CDH18: variants seen among roughly 807,000 people sequenced by gnomAD.
The protein encoded by CDH18 is cadherin 18, also known as cadherin-18.
In CDH18, 31 loss-of-function variants were observed where a neutral mutation model predicts 67.9. The ratio of observed to expected loss-of-function variants is 0.46; its 90% CI spans 0.34 to 0.62. The LOEUF (loss-of-function observed/expected upper bound fraction) is 0.62, where lower values mean the gene tolerates loss of function less well. Ranked by LOEUF, CDH18 falls within the 20% of genes least tolerant of loss-of-function variation. The pLI is 0.01. For synonymous variants in CDH18, 362 were observed against 347.2 expected, an observed-to-expected ratio of 1.04 and a Z score of -0.48; for missense variants, 890 against 975.5, an observed-to-expected ratio of 0.91 and a Z score of 1.17.
chr5:19,722,740 A>C (rs923680455), intron 4 of CDH18, among the ~76,000 whole-genome samples: 1 of 152,056 alleles, frequency 6.6e-6, no homozygotes, highest in Non-Finnish European at 1.5e-5. Flanking sequence ...TTGATATTTT[A>C]TTCCACATCA....
Position 20,508,106 on chromosome 5 carries a change from T to C in CDH18, c.-580+67356A>G, listed in dbSNP as rs184898929. On this transcript the variant is annotated intron_variant, in intron 1 of 14. Transcript: ENST00000507958. ...GTGTGGAAAAATAAGAGGGACAAAATGTATCTTAAAATTCTTTAAAAATCT... is the reference window on the plus strand; with the variant it reads ...GTGTGGAAAAATAAGAGGGACAAAACGTATCTTAAAATTCTTTAAAAATCT... 1.6e-3 allele frequency among the ~76,000 whole-genome samples: 249 copies of C among 151,876 alleles called. 2 individuals carry two copies. Among genetic ancestry groups the C allele is most frequent in the African/African-American group, 5.6e-3 (234 of 41,496 alleles).
chr5:19,935,047 A>G (rs1431604984), intron 2 of CDH18, among the ~76,000 whole-genome samples: 2 of 151,286 alleles, frequency 1.3e-5, no homozygotes, highest in African/African-American at 4.8e-5. Flanking sequence ...TTAGTTTGGA[A>G]GCTGAGAAAG....
chr5:19,536,638 T>A (rs1749464139), intron 9 of CDH18, among the ~76,000 whole-genome samples: 2 of 152,342 alleles, frequency 1.3e-5, no homozygotes, highest in Middle Eastern at 6.8e-3. Context: ...TTTCTTAACC[T>A]TAACTTTACA....
chr5:19,487,504 A>T (rs185769605), intron 11 of CDH18, among the ~76,000 whole-genome samples: 108 of 152,316 alleles, frequency 7.1e-4, no homozygotes, highest in African/African-American at 2.5e-3. Context: ...CAGAATGTTT[A>T]CATGTCATAT....
intron 2 of CDH18, among the ~76,000 whole-genome samples, chr5:20,107,638 T>C (rs1747076305): frequency 6.6e-6 from 1 of 152,192 alleles, no homozygotes. Context: ...CAACAAGCAG[T>C]TGGCAAGGTT....
chr5:20,261,310 T>A lies in CDH18; in HGVS notation c.-579-5805A>T, dbSNP rs144693692. Among the ~76,000 whole-genome samples, 216 of 152,286 alleles carry A rather than the reference T, an allele frequency of 1.4e-3. 1 individual carries two copies. The highest frequency in any genetic ancestry group is 4.9e-3 in the African/African-American group (204 of 41,568). ...TTTTTAGAAAAAACAAAATAAGGAG[T>A]TTGAAAAATAGAGCACTTACAAATT... On this transcript the variant is annotated intron_variant, in intron 1 of 14. Transcript: ENST00000507958.
intron 2 of CDH18, among the ~76,000 whole-genome samples, chr5:20,010,482 T>C (rs189544233): frequency 5.4e-4 from 82 of 152,234 alleles, no homozygotes; most frequent in African/African-American, 1.9e-3. Context: ...GTTCCGGGAT[T>C]AGAAGTGTGC....
At chr5:20,412,742 C>A (rs1243296044) in intron 1 of CDH18, among the ~76,000 whole-genome samples, 1 of 152,174 alleles carries the variant, frequency 6.6e-6, no homozygotes, top group East Asian at 1.9e-4. Context: ...TGCTCAACAT[C>A]ACTAACCATC....
intron 1 of CDH18, among the ~76,000 whole-genome samples, chr5:20,289,825 C>A (rs920452304): frequency 6.6e-6 from 1 of 151,958 alleles, no homozygotes; most frequent in South Asian, 2.1e-4. Context: ...ATAGGGTCAC[C>A]AGAGGCAAAA....
chr5:20,559,766 A>G (rs551483776), intron 1 of CDH18, among the ~76,000 whole-genome samples: 1 of 152,256 alleles, frequency 6.6e-6, no homozygotes, highest in South Asian at 2.1e-4. Flanking sequence ...TACAAGATCA[A>G]GGTTGAAAAG....
At chr5:19,532,253 C>G (rs947514308) in intron 9 of CDH18, among the ~76,000 whole-genome samples, 1 of 151,950 alleles carries the variant, frequency 6.6e-6, no homozygotes, top group Non-Finnish European at 1.5e-5. Flanking sequence ...ACAACATAAA[C>G]TTTATCAATG....
chr5:19,630,229 A>G (rs1402954597), intron 5 of CDH18, among the ~76,000 whole-genome samples: 4 of 152,134 alleles, frequency 2.6e-5, no homozygotes, highest in African/African-American at 9.7e-5. Flanking sequence ...GGTGTGAGCC[A>G]CTGTGCCTGG....
chr5:19,488,615 G>GTGCA (rs1217079583), intron 11 of CDH18, among the ~76,000 whole-genome samples: 2 of 152,052 alleles, frequency 1.3e-5, no homozygotes, highest in Admixed American at 1.3e-4. Context: ...CATTATCAGA[G>GTGCA]TGCATGCATC....
At chr5:19,519,126 T>C (rs1269494764) in intron 10 of CDH18, among the ~76,000 whole-genome samples, 1 of 152,154 alleles carries the variant, frequency 6.6e-6, no homozygotes, top group Non-Finnish European at 1.5e-5. Context: ...CTTCTTCTGA[T>C]TGTGAGTGTA....
chr5:19,741,482 G>A (rs1182587323), intron 4 of CDH18, among the ~76,000 whole-genome samples: 3 of 151,408 alleles, frequency 2.0e-5, no homozygotes, highest in South Asian at 2.1e-4. Context: ...AAGTAGCCAC[G>A]CCATTACTCT....
intron 2 of CDH18, among the ~76,000 whole-genome samples, chr5:19,947,601 A>T (rs1234505374): frequency 6.8e-6 from 1 of 146,650 alleles, no homozygotes; most frequent in African/African-American, 2.5e-5. Flanking sequence ...AAAAAAAAAA[A>T]AAAAAAAAAA....
intron 2 of CDH18, among the ~76,000 whole-genome samples, chr5:20,163,404 T>C (rs1158827066): frequency 6.6e-6 from 1 of 152,240 alleles, no homozygotes; most frequent in African/African-American, 2.4e-5. Context: ...GTTTTATGTC[T>C]CTTCAGTCTC....
intron 5 of CDH18, among the ~76,000 whole-genome samples, chr5:19,664,942 T>C (rs1757708953): frequency 6.6e-6 from 1 of 152,000 alleles, no homozygotes. Context: ...ACTTCATGAA[T>C]ATATTTGAAA....
intron 3 of CDH18, among the ~76,000 whole-genome samples, chr5:19,824,778 C>T (rs935569864): frequency 5.3e-5 from 8 of 152,214 alleles, no homozygotes; most frequent in African/African-American, 1.7e-4. Context: ...ACCCAGATGA[C>T]AGAGAGGGTG....
Sources: gnomAD v4.1 joint callset for allele counts (sites outside exome capture counted in the v4.1 genomes callset) on GRCh38, gnomAD v4.1.1 for gene constraint, MANE v1.5 for transcripts, NCBI Gene and HGNC (gene_info 2026-07-23, HGNC 2026-07-21) for gene names.